TMPRSS11E: variants seen among roughly 807,000 people sequenced by gnomAD.
The protein encoded by TMPRSS11E is transmembrane serine protease 11E.
A neutral mutation model predicts 48.1 loss-of-function variants in TMPRSS11E; 38 were observed. The ratio of observed to expected loss-of-function variants is 0.79; its 90% CI spans 0.61 to 1.04. TMPRSS11E has a LOEUF of 1.04. Ranked by LOEUF, TMPRSS11E falls within the 50% of genes least tolerant of loss-of-function variation. The probability of loss-of-function intolerance (pLI) is 0.00; values close to 1 mark genes in which losing one functional copy is unlikely to be tolerated. For missense variants in TMPRSS11E, 530 were observed against 510.8 expected (o/e 1.04, Z -0.36); for synonymous variants, 158 against 171.9 (o/e 0.92, Z 0.63).
At chr4:68,468,202 T>A (rs1279522170) in intron 3 of TMPRSS11E, among the ~76,000 whole-genome samples, 3 of 152,162 alleles carry the variant, frequency 2.0e-5, no homozygotes, top group Admixed American at 6.6e-5. Flanking sequence ...TTACTAAATA[T>A]CCACATACTG....
At chr4:68,474,262 G>T (rs1472876701) in intron 5 of TMPRSS11E, among the ~76,000 whole-genome samples, 3 of 152,052 alleles carry the variant, frequency 2.0e-5, no homozygotes, top group Non-Finnish European at 4.4e-5. Flanking sequence ...ATGCTACTCA[G>T]GTGTGTTATA....
At chr4:68,494,360 T>C (rs1382529968) in intron 9 of TMPRSS11E, among the ~76,000 whole-genome samples, 2 of 152,236 alleles carry the variant, frequency 1.3e-5, no homozygotes, top group Non-Finnish European at 2.9e-5. Context: ...TTCTCGCTCA[T>C]ATTATTAGGG....
intron 1 of TMPRSS11E, among the ~76,000 whole-genome samples, chr4:68,456,585 A>G (rs1228392958): frequency 6.6e-6 from 1 of 152,070 alleles, no homozygotes; most frequent in Non-Finnish European, 1.5e-5. Flanking sequence ...TATGTCACCA[A>G]TGCTTGCTGG....
intron 9 of TMPRSS11E, among the ~76,000 whole-genome samples, chr4:68,489,985 C>T (rs548745459): frequency 5.9e-5 from 9 of 152,302 alleles, no homozygotes; most frequent in East Asian, 1.9e-4. Context: ...TTTCAACTCT[C>T]CAGGCTGTTC....
At chr4:68,453,974 A>G (rs1919903) in intron 1 of TMPRSS11E, among the ~76,000 whole-genome samples, 78,515 of 151,718 alleles carry the variant, frequency 0.52, 21,337 homozygotes, top group Non-Finnish European at 0.61. Context: ...GATTCCAGCC[A>G]ACAAAATAGA....
Position 68,476,301 on chromosome 4 carries a change from C to G in TMPRSS11E, c.570C>G (p.Leu190=), listed in dbSNP as rs376619645. The change falls in exon 7 of 10, where the codon CTC becomes CTG. Residue 190 remains leucine, a synonymous_variant. Coordinates refer to ENST00000305363, the MANE Select transcript of TMPRSS11E (RefSeq NM_014058.4). ...GAAGTAAAACTCTAGGTCAGAGTCT[C>G]AGGATCGTTGGTGGGACAGAAGTAG... ...TRRSKTLGQS[L]RIVGGTEVEE... 3.1e-6 allele frequency: 5 copies of G among 1,614,172 alleles called. No homozygotes were observed. The East Asian group carries it at 6.7e-5, about 22-fold the overall frequency.
chr4:68,495,843 C>T (rs1729850622), intron 9 of TMPRSS11E, among the ~76,000 whole-genome samples: 1 of 152,024 alleles, frequency 6.6e-6, no homozygotes, highest in African/African-American at 2.4e-5. Context: ...ACAAGAATTA[C>T]ATGAATTAAT....
chr4:68,468,387 T>A (rs1048213674), intron 3 of TMPRSS11E, among the ~76,000 whole-genome samples: 9 of 152,100 alleles, frequency 5.9e-5, no homozygotes, highest in Non-Finnish European at 1.2e-4. Context: ...CCTGGGCCTT[T>A]TTAAGAGCAC....
intron 9 of TMPRSS11E, among the ~76,000 whole-genome samples, chr4:68,487,221 G>T (rs1017818700): frequency 4.0e-5 from 6 of 151,884 alleles, no homozygotes; most frequent in African/African-American, 7.3e-5. Flanking sequence ...AGTGTCAGTG[G>T]ACTATGTAAT....
At chr4:68,487,177 G>T (rs1178134358) in intron 9 of TMPRSS11E, among the ~76,000 whole-genome samples, 2 of 151,896 alleles carry the variant, frequency 1.3e-5, no homozygotes, top group East Asian at 3.9e-4. Flanking sequence ...TTGCTAGCTG[G>T]TTATTCCACA....
intron 9 of TMPRSS11E, among the ~76,000 whole-genome samples, chr4:68,488,831 C>T (rs536216216): frequency 1.2e-3 from 189 of 152,328 alleles, no homozygotes; most frequent in Non-Finnish European, 2.0e-3. Flanking sequence ...TGAGCCACCG[C>T]GCCCGACCCT....
At position 68,477,564 on chromosome 4, in the gene TMPRSS11E, A is replaced by G. The variant is rs774340058; in HGVS notation, c.903A>G (p.Ala301=). ...TACATAGAGTTTGTCTCCCTGATGC[A>G]TCCTATGAGTTTCAACCAGGTGATG... The part of the protein sequence containing the change: ...NAVHRVCLPD[A]SYEFQPGDVM... The change falls in exon 8 of 10, where the codon GCA becomes GCG. Residue 301 remains alanine (A), a synonymous_variant. Coordinates refer to ENST00000305363, the MANE Select transcript of TMPRSS11E (RefSeq NM_014058.4). 1.2e-5 allele frequency: 20 copies of G among 1,613,982 alleles called. No individual in the cohort carries two copies. Among genetic ancestry groups the G allele is most frequent in the Admixed American group, 3.3e-5 (2 of 59,994 alleles).
chr4:68,489,590 G>C (rs1729658347), intron 9 of TMPRSS11E, among the ~76,000 whole-genome samples: 1 of 152,344 alleles, frequency 6.6e-6, no homozygotes, highest in African/African-American at 2.4e-5. Flanking sequence ...GCAGGTAGAG[G>C]CTGCCAGTGA....
chr4:68,458,328 GT>G (rs1249460908), intron 1 of TMPRSS11E, among the ~76,000 whole-genome samples: 2 of 149,262 alleles, frequency 1.3e-5, no homozygotes, highest in African/African-American at 4.9e-5. Flanking sequence ...CATATTGCTT[GT>G]TTTCTGGCAA....
At chr4:68,488,740 C>T (rs1471652738) in intron 9 of TMPRSS11E, among the ~76,000 whole-genome samples, 4 of 152,134 alleles carry the variant, frequency 2.6e-5, no homozygotes, top group Non-Finnish European at 5.9e-5. Context: ...GGGGTTTCAC[C>T]GTGTTAGCCA....
intron 9 of TMPRSS11E, among the ~76,000 whole-genome samples, chr4:68,487,492 T>A (rs976137361): frequency 6.6e-6 from 1 of 152,060 alleles, no homozygotes; most frequent in Admixed American, 6.5e-5. Context: ...CCTCAGGTGA[T>A]CTGCCCACCT....
chr4:68,454,560 A>C (rs914176345), intron 1 of TMPRSS11E, among the ~76,000 whole-genome samples: 5 of 151,954 alleles, frequency 3.3e-5, no homozygotes, highest in African/African-American at 1.2e-4. Context: ...AAAATTCTTT[A>C]ATCAGGAAAA....
intron 2 of TMPRSS11E, among the ~76,000 whole-genome samples, chr4:68,462,771 A>T (rs1728829002): frequency 6.6e-6 from 1 of 152,156 alleles, no homozygotes; most frequent in Non-Finnish European, 1.5e-5. Flanking sequence ...ATTGTAGGTG[A>T]TTAAAGAGGA....
intron 7 of TMPRSS11E, among the ~76,000 whole-genome samples, chr4:68,476,818 A>C (rs1451886209): frequency 6.6e-6 from 1 of 152,178 alleles, no homozygotes; most frequent in Admixed American, 6.5e-5. Flanking sequence ...TCACATGGTA[A>C]GAAAAAGAAT....
Sources: allele counts gnomAD v4.1 joint callset (sites outside exome capture counted in the v4.1 genomes callset), GRCh38; gene constraint gnomAD v4.1.1; transcripts MANE v1.5; gene names NCBI Gene and HGNC (gene_info 2026-07-23, HGNC 2026-07-21).